CFAP44: variants seen among roughly 807,000 people sequenced by gnomAD.
CFAP44 encodes the protein cilia and flagella associated protein 44.
Under a neutral mutation model 216.2 loss-of-function variants are expected in CFAP44, and 134 were observed. The ratio of observed to expected loss-of-function variants is 0.62; its 90% CI spans 0.54 to 0.72. CFAP44 has a LOEUF of 0.72. Ranked by LOEUF, CFAP44 falls within the 30% of genes least tolerant of loss-of-function variation. The pLI is 0.00. For missense variants in CFAP44, 2,035 were observed against 2,182.1 expected (o/e 0.93, Z 1.34); for synonymous variants, 700 against 727.6 (o/e 0.96, Z 0.61).
chr3:113,378,982 C>T (rs983189492), intron 17 of CFAP44, among the ~76,000 whole-genome samples: 3 of 152,100 alleles, frequency 2.0e-5, no homozygotes, highest in East Asian at 3.9e-4. Flanking sequence ...TGCCTTTCTA[C>T]GCTTGATCCT....
At chr3:113,296,140 G>C (rs1478861596) in intron 33 of CFAP44, among the ~76,000 whole-genome samples, 1 of 151,788 alleles carries the variant, frequency 6.6e-6, no homozygotes, top group Admixed American at 6.6e-5. Flanking sequence ...ACTTATAAGT[G>C]AGAACATGCA....
At chr3:113,334,723 G>A (rs1271387347) in intron 24 of CFAP44, among the ~76,000 whole-genome samples, 3 of 152,064 alleles carry the variant, frequency 2.0e-5, no homozygotes, top group South Asian at 2.1e-4. Context: ...ACACACATAC[G>A]AAACAGTGGC....
At chr3:113,363,031 GAAAC>G (rs1950556063) in intron 21 of CFAP44, 110 bp downstream of exon 21, 1 of 1,389,462 alleles carries the variant, frequency 7.2e-7, no homozygotes, top group South Asian at 2.0e-5. Flanking sequence ...AATTTTGAAA[GAAAC>G]AAACAAAAAA....
intron 6 of CFAP44, among the ~76,000 whole-genome samples, chr3:113,415,499 T>C (rs2107384782): frequency 6.6e-6 from 1 of 152,318 alleles, no homozygotes; most frequent in South Asian, 2.1e-4. Flanking sequence ...TGTGGGTATT[T>C]AGTGCTATAA....
chr3:113,319,774 CAA>C (rs1298124983), intron 28 of CFAP44, among the ~76,000 whole-genome samples: 1 of 151,618 alleles, frequency 6.6e-6, no homozygotes, highest in Non-Finnish European at 1.5e-5. Context: ...TTCATGAAAC[CAA>C]GAGGTTTTTT....
At chr3:113,304,345 T>TAATAGG in intron 31 of CFAP44, 1 of 542,142 alleles carries the variant, frequency 1.8e-6, no homozygotes, top group Non-Finnish European at 3.3e-6. Flanking sequence ...CCCACACAGA[T>TAATAGG]CATGCCTATT....
chr3:113,390,253 C>T (rs9840124), intron 15 of CFAP44, among the ~76,000 whole-genome samples: 74,466 of 151,910 alleles, frequency 0.49, 18,922 homozygotes, highest in East Asian at 0.68. Context: ...AATCACACCA[C>T]CATTTCAATT....
At chr3:113,415,632 T>C (rs917857664) in intron 6 of CFAP44, among the ~76,000 whole-genome samples, 3 of 152,186 alleles carry the variant, frequency 2.0e-5, no homozygotes, top group African/African-American at 7.2e-5. Flanking sequence ...ACAGGAGTCA[T>C]TCAGGAGCAG....
chr3:113,308,587 T>C (rs1011820883), intron 28 of CFAP44, among the ~76,000 whole-genome samples: 1 of 149,516 alleles, frequency 6.7e-6, no homozygotes, highest in African/African-American at 2.5e-5. Context: ...TTTTTTTTTC[T>C]TTTTTTTTTC....
chr3:113,312,661 G>A (rs1218205793), intron 28 of CFAP44, among the ~76,000 whole-genome samples: 1 of 152,160 alleles, frequency 6.6e-6, no homozygotes, highest in Non-Finnish European at 1.5e-5. Context: ...TTCTTGGGGA[G>A]GGCCCAGGGT....
At chr3:113,330,817 C>T in intron 25 of CFAP44, 149 bp from the exon 26 acceptor site, 1 of 1,179,504 alleles carries the variant, frequency 8.5e-7, no homozygotes, top group South Asian at 1.9e-5. Context: ...ACCAAGTTTC[C>T]CTTTTCTTTA....
chr3:113,292,974 C>T (rs1576531892), intron 34 of CFAP44, among the ~76,000 whole-genome samples: 1 of 152,328 alleles, frequency 6.6e-6, no homozygotes, highest in East Asian at 1.9e-4. Flanking sequence ...TTGAAGGAAA[C>T]TTTAGGAAAA....
intron 26 of CFAP44, among the ~76,000 whole-genome samples, chr3:113,328,323 T>G (rs1273341148): frequency 1.3e-5 from 2 of 150,486 alleles, no homozygotes; most frequent in African/African-American, 4.9e-5. Flanking sequence ...ATTGAAGAAA[T>G]TAAGGTCAAA....
intron 29 of CFAP44, among the ~76,000 whole-genome samples, chr3:113,307,832 T>A (rs1173913562): frequency 6.6e-6 from 1 of 151,914 alleles, no homozygotes; most frequent in Non-Finnish European, 1.5e-5. Flanking sequence ...TACAAAAAAT[T>A]AGGTGGGCGT....
At chr3:113,319,496 C>G (rs1950121514) in intron 28 of CFAP44, among the ~76,000 whole-genome samples, 1 of 152,108 alleles carries the variant, frequency 6.6e-6, no homozygotes, top group Non-Finnish European at 1.5e-5. Flanking sequence ...TGTGAGACCT[C>G]AACATCCCAC....
chr3:113,333,979 A>G (rs1479728035), intron 24 of CFAP44, among the ~76,000 whole-genome samples: 3 of 147,010 alleles, frequency 2.0e-5, no homozygotes, highest in African/African-American at 7.6e-5. Context: ...TTTGAGACGG[A>G]GTCTCACTGT....
In CFAP44 at chr3:113,341,799, T is replaced by C. The variant is rs1173860683; in HGVS notation, c.3382A>G (p.Lys1128Glu). The change falls in exon 24 of 35, where the codon AAA becomes GAA. Residue 1128 changes from lysine (K) to glutamate (E), a missense_variant. Physicochemically the swap from Lys to Glu is moderately conservative, Grantham distance 56. Coordinates refer to ENST00000393845, the MANE Select transcript of CFAP44 (RefSeq NM_001164496.2). ...QIEKTRKLIL[K>E]AERAQLKIQQ... ...ATCTTTAGTTGTGCCCTTTCAGCTT[T>C]TAATATAAGTTTTCTCGTTTTCTCA... 4 of 1,529,450 alleles carry C rather than the reference T, an allele frequency of 2.6e-6. 1 individual carries two copies. In the East Asian group the frequency reaches 9.8e-5, roughly 38 times the overall value. The allele number at this position is 1,529,450 out of a possible 1,614,324, so 94.7% of individuals were successfully genotyped here.
intron 18 of CFAP44, among the ~76,000 whole-genome samples, chr3:113,370,312 AT>A (rs1190424206): frequency 2.0e-5 from 3 of 152,234 alleles, no homozygotes; most frequent in Admixed American, 2.0e-4. Context: ...CCTGATGAAC[AT>A]AGACACAAAA....
chr3:113,344,631 C>A lies in CFAP44; in HGVS notation c.3147G>T (p.Val1049=). The A allele has an allele frequency of 6.5e-7, 1 of 1,537,054 alleles. No individual in the cohort carries two copies. The highest frequency in any genetic ancestry group is 8.7e-7 in the Non-Finnish European group (1 of 1,146,826). ...TGAATTTGGAGTACTTAGAGGGCTG[C>A]ACCAGCCTGTAAGAGGATATCTTGT... ...SDHKISSYRL[V]QPSKYSKFKR... Residue 1049 remains valine, a synonymous_variant, in exon 23 of 35, where the codon GTG becomes GTT. Transcript: ENST00000393845.
Sources: allele counts gnomAD v4.1 joint callset (sites outside exome capture counted in the v4.1 genomes callset), GRCh38; gene constraint gnomAD v4.1.1; transcripts MANE v1.5; gene names NCBI Gene and HGNC (gene_info 2026-07-23, HGNC 2026-07-21).